Variants in ANKRD10 observed in about 807,000 individuals in gnomAD.
ANKRD10 encodes the protein ankyrin repeat domain-containing protein 10.
ANKRD10 carries 14 observed loss-of-function variants against 27.0 expected under a neutral mutation model. The ratio of observed to expected loss-of-function variants is 0.52; its 90% CI spans 0.34 to 0.81. The LOEUF (loss-of-function observed/expected upper bound fraction) is 0.81. Among genes scored for constraint, ANKRD10 ranks in the 40% least tolerant of loss-of-function variants. The pLI is 0.01. For synonymous variants in ANKRD10, 250 were observed against 224.5 expected, an observed-to-expected ratio of 1.11 and a Z score of -1.01; for missense variants, 493 against 544.0, an observed-to-expected ratio of 0.91 and a Z score of 0.93.
Position 110,879,593 on chromosome 13 carries a change from T to A in ANKRD10, c.*44A>T. On this transcript the variant is annotated 3_prime_UTR_variant, in exon 6 of 6. Transcript: ENST00000267339. ...TGCTACATGGGTATTCTGAGCTGGCTACCAGGAAGGACTCCTGCGTTTCCG... is the reference window on the plus strand; with the variant it reads ...TGCTACATGGGTATTCTGAGCTGGCAACCAGGAAGGACTCCTGCGTTTCCG... The A allele has an allele frequency of 1.3e-6, 2 of 1,489,610 alleles. No individual in the cohort carries two copies. Among genetic ancestry groups the A allele is most frequent in the Non-Finnish European group, 1.9e-6 (2 of 1,079,482 alleles). The allele number at this position is 1,489,610 out of a possible 1,614,324, so 92.3% of individuals were successfully genotyped here. A position where few individuals can be genotyped will look rare whatever the true frequency, so the allele number is the denominator to read the frequency against.
chr13:110,903,358 G>A (rs1176112826), intron 3 of ANKRD10: 1 of 152,990 alleles, frequency 6.5e-6, no homozygotes, highest in Admixed American at 6.5e-5. Context: ...TGTAAACAAT[G>A]GCAAATAATA....
chr13:110,904,607 T>A (rs1265365103), intron 3 of ANKRD10, among the ~76,000 whole-genome samples: 1 of 152,220 alleles, frequency 6.6e-6, no homozygotes, highest in Non-Finnish European at 1.5e-5. Flanking sequence ...AATGAAAGTT[T>A]GTTATAAAAA....
intron 1 of ANKRD10, chr13:110,911,847 A>G (rs1327895201): frequency 1.3e-5 from 2 of 152,392 alleles, no homozygotes; most frequent in East Asian, 3.9e-4. Context: ...CGTCATAGTC[A>G]AAGACTATTT....
At chr13:110,887,679 T>C (rs745840651) in intron 4 of ANKRD10, among the ~76,000 whole-genome samples, 1 of 152,226 alleles carries the variant, frequency 6.6e-6, no homozygotes, top group African/African-American at 2.4e-5. Context: ...AGTCAGAAAC[T>C]GCCAAGTAGT....
chr13:110,888,613 T>C (rs184885950), intron 4 of ANKRD10, among the ~76,000 whole-genome samples: 6 of 152,156 alleles, frequency 3.9e-5, no homozygotes, highest in Admixed American at 3.9e-4. Context: ...TAAACATCTA[T>C]CATTTAACAA....
chr13:110,890,237 T>C (rs2065038733), intron 4 of ANKRD10, among the ~76,000 whole-genome samples: 1 of 152,160 alleles, frequency 6.6e-6, no homozygotes, highest in African/African-American at 2.4e-5. Flanking sequence ...ATATATCTAT[T>C]GAAACCAAGA....
intron 4 of ANKRD10, among the ~76,000 whole-genome samples, chr13:110,890,443 G>C (rs1269358219): frequency 1.3e-5 from 2 of 152,140 alleles, no homozygotes; most frequent in East Asian, 3.8e-4. Flanking sequence ...TGCTCACACA[G>C]ACACAAAAAA....
At chr13:110,892,129 A>AAAAC (rs1376657666) in intron 4 of ANKRD10, among the ~76,000 whole-genome samples, 1 of 151,276 alleles carries the variant, frequency 6.6e-6, no homozygotes, top group Non-Finnish European at 1.5e-5. Context: ...TTAAAAACAA[A>AAAAC]AAACAAAAAA....
intron 4 of ANKRD10, among the ~76,000 whole-genome samples, chr13:110,891,974 A>C (rs1010885567): frequency 6.7e-6 from 1 of 149,876 alleles, no homozygotes; most frequent in African/African-American, 2.5e-5. Flanking sequence ...CAGCCTCCCA[A>C]AGTGCTGGGA....
chr13:110,908,157 G>C (rs1022322662), intron 2 of ANKRD10, among the ~76,000 whole-genome samples: 1 of 152,116 alleles, frequency 6.6e-6, no homozygotes, highest in Non-Finnish European at 1.5e-5. Flanking sequence ...GATCTACAGG[G>C]AACTGGGAGC....
At chr13:110,901,535 A>C (rs2065380220) in intron 3 of ANKRD10, among the ~76,000 whole-genome samples, 1 of 152,366 alleles carries the variant, frequency 6.6e-6, no homozygotes, top group South Asian at 2.1e-4. Context: ...AGTAGTAAGG[A>C]AATTATTAAA....
rs1304937096 is a variant in ANKRD10, at chr13:110,889,886, A to G, written c.691+3142T>C. On this transcript the variant is annotated intron_variant, in intron 4 of 5. Transcript: ENST00000267339. ...ACGCACTAAGTTTTATTGGTAAGAT[A>G]CAAGTTACGCAGCCAAGATATTATC... is the stretch of plus-strand genomic sequence containing the variant. Among the ~76,000 whole-genome samples, 3 of 152,246 alleles carry G rather than the reference A, an allele frequency of 2.0e-5. No homozygotes were observed. The East Asian group carries it at 5.8e-4, about 29-fold the overall frequency.
intron 2 of ANKRD10, among the ~76,000 whole-genome samples, chr13:110,906,473 C>CCACACA (rs148260904): frequency 1.4e-4 from 21 of 151,976 alleles, no homozygotes; most frequent in Non-Finnish European, 2.4e-4. Flanking sequence ...AACCAACCAA[C>CCACACA]CACACACACA....
chr13:110,897,195 T>C (rs1258902198), intron 3 of ANKRD10, among the ~76,000 whole-genome samples: 2 of 151,914 alleles, frequency 1.3e-5, no homozygotes, highest in African/African-American at 4.8e-5. Context: ...GGCACAATCA[T>C]AGTTCACCAC....
chr13:110,912,502 G>A (rs1030737684), intron 1 of ANKRD10, among the ~76,000 whole-genome samples: 1 of 152,178 alleles, frequency 6.6e-6, no homozygotes, highest in Non-Finnish European at 1.5e-5. Context: ...AAATAAAACG[G>A]ATGAAAATCA....
chr13:110,905,941 G>A, intron 3 of ANKRD10, 92 bp downstream of exon 3: 1 of 1,222,046 alleles, frequency 8.2e-7, no homozygotes, highest in Non-Finnish European at 1.1e-6. Flanking sequence ...TGAAAACAAA[G>A]TTTTAGGACT....
intron 4 of ANKRD10, among the ~76,000 whole-genome samples, chr13:110,891,817 C>A (rs1349999076): frequency 7.9e-5 from 12 of 151,760 alleles, no homozygotes; most frequent in Non-Finnish European, 1.8e-4. Flanking sequence ...CACCTCTCCC[C>A]CTAAGTTCAC....
At chr13:110,889,117 T>C (rs2065009688) in intron 4 of ANKRD10, among the ~76,000 whole-genome samples, 1 of 152,112 alleles carries the variant, frequency 6.6e-6, no homozygotes, top group Non-Finnish European at 1.5e-5. Flanking sequence ...ACGACCACAG[T>C]TTCCAAGGAG....
At chr13:110,894,459 A>G (rs903318797) in intron 3 of ANKRD10, 4 of 267,770 alleles carry the variant, frequency 1.5e-5, no homozygotes, top group African/African-American at 9.0e-5. Flanking sequence ...CTACAGAATT[A>G]GGGACAAATA....
Sources: gnomAD v4.1 joint callset for allele counts (sites outside exome capture counted in the v4.1 genomes callset) on GRCh38, gnomAD v4.1.1 for gene constraint, MANE v1.5 for transcripts, NCBI Gene and HGNC (gene_info 2026-07-23, HGNC 2026-07-21) for gene names.